GFI1B: variants seen among roughly 807,000 people sequenced by gnomAD.
GFI1B encodes the protein zinc finger protein Gfi-1b.
A neutral mutation model predicts 35.3 loss-of-function variants in GFI1B; 20 were observed. The ratio of observed to expected loss-of-function variants is 0.57; its 90% confidence interval spans 0.40 to 0.82. The LOEUF (loss-of-function observed/expected upper bound fraction) is 0.82. Ranked by LOEUF, GFI1B falls within the 40% of genes least tolerant of loss-of-function variation. The probability of loss-of-function intolerance (pLI) is 0.00; values close to 1 mark genes in which losing one functional copy is unlikely to be tolerated. For missense variants in GFI1B, 430 were observed against 446.3 expected (o/e 0.96, Z 0.33); for synonymous variants, 178 against 177.6 (o/e 1.00, Z -0.02).
intron 1 of GFI1B, chr9:132,949,764 A>G (rs1440170971): frequency 1.3e-5 from 2 of 152,532 alleles, no homozygotes; most frequent in African/African-American, 4.8e-5. Context: ...GAGAGGAAGG[A>G]GAGCTGCAGG....
chr9:132,965,020 T>TCAA (rs1848428747), intron 1 of GFI1B, among the ~76,000 whole-genome samples: 1 of 152,202 alleles, frequency 6.6e-6, no homozygotes, highest in African/African-American at 2.4e-5. Flanking sequence ...ATATCAATAA[T>TCAA]TTACTATGGC....
rs868230371 is a variant in GFI1B, at chr9:132,955,789, G to A, written c.-701+10120G>A. 2.8e-4 allele frequency among the ~76,000 whole-genome samples: 41 copies of A among 146,288 alleles called. 2 individuals carry two copies. Among genetic ancestry groups the A allele is most frequent in the Middle Eastern group, 6.8e-3 (2 of 294 alleles). ...TTCTCCAGAGAAGCAGAACCAACGT[G>A]ATGTGTGTGTGTGTGTGCATGTGTG... On this transcript the variant is annotated intron_variant, in intron 1 of 10. Transcript: ENST00000339463.
At chr9:132,992,517 C>G (rs1224081019), downstream of GFI1B, among the ~76,000 whole-genome samples, 2 of 152,050 alleles carry the variant, frequency 1.3e-5, no homozygotes, top group Non-Finnish European at 2.9e-5. Flanking sequence ...CACAGCAGTC[C>G]CTTCCACCGA....
chr9:132,988,815 A>G (rs1028301487), intron 4 of GFI1B, among the ~76,000 whole-genome samples: 2 of 152,096 alleles, frequency 1.3e-5, no homozygotes, highest in Non-Finnish European at 2.9e-5. Context: ...CCTCTAGATG[A>G]GGCAAGGAGG....
At chr9:132,962,916 C>CAA (rs60268965) in intron 1 of GFI1B, among the ~76,000 whole-genome samples, 11,789 of 124,192 alleles carry the variant, frequency 0.095, 662 homozygotes, top group Middle Eastern at 0.12. Context: ...ACTAAAAATA[C>CAA]AAAAAAAAAA....
upstream of GFI1B, among the ~76,000 whole-genome samples, chr9:132,978,092 G>GA (rs1227884297): frequency 2.8e-5 from 4 of 141,212 alleles, no homozygotes; most frequent in Non-Finnish European, 4.7e-5. Context: ...TCAGGGTGCT[G>GA]AACTTGGGGA....
intron 1 of GFI1B, among the ~76,000 whole-genome samples, chr9:132,950,203 G>A (rs1036750856): frequency 2.0e-5 from 3 of 152,186 alleles, no homozygotes; most frequent in South Asian, 2.1e-4. Flanking sequence ...CACCACCATC[G>A]AGGCTGGAGA....
intron 6 of GFI1B, among the ~76,000 whole-genome samples, chr9:132,990,310 C>CTCATTCATTTGTTCAGTCAT: frequency 1.3e-5 from 2 of 149,690 alleles, no homozygotes; most frequent in Admixed American, 6.7e-5. Context: ...CATTCATTTG[C>CTCATTCATTTGTTCAGTCAT]TCATTCATTT....
chr9:132,992,143 T>C (rs1849315216), downstream of GFI1B, among the ~76,000 whole-genome samples: 2 of 152,146 alleles, frequency 1.3e-5, no homozygotes, highest in Non-Finnish European at 2.9e-5. Flanking sequence ...GTGCCTCTGA[T>C]CTTGGCCCCT....
In GFI1B at chr9:132,991,149, A is replaced by T. The variant is rs913590507; in HGVS notation, c.*99A>T. The T allele has an allele frequency of 5.4e-6, 6 of 1,101,254 alleles. No homozygotes were observed. The highest frequency in any genetic ancestry group is 8.1e-6 in the Non-Finnish European group (6 of 740,022). The allele number at this position is 1,101,254 out of a possible 1,614,324, so 68.2% of individuals were successfully genotyped here. On this transcript the variant is annotated 3_prime_UTR_variant, in exon 7 of 7. Transcript: ENST00000372122. ...AAATCTCCAGTCTCCTGGAGGTGGG[A>T]CTGGACAGGAGTCTACCAGCTTGTT...
chr9:132,991,540 T>G lies in GFI1B; in HGVS notation c.*490T>G, dbSNP rs1453837470. 1 of 169,038 alleles carries G rather than the reference T, an allele frequency of 5.9e-6. No homozygotes were observed. Among genetic ancestry groups the G allele is most frequent in the Non-Finnish European group, 1.3e-5 (1 of 77,410 alleles). 10.5% of individuals were successfully genotyped at this position (169,038 alleles called of 1,614,324 possible). ...GCACCCCCTCTGCTTCGGCCAGATG[T>G]GCTGGCTGACTCCGACTTCCGACCA... On this transcript the variant is annotated 3_prime_UTR_variant, in exon 7 of 7. Transcript: ENST00000372122.
intron 1 of GFI1B, among the ~76,000 whole-genome samples, chr9:132,982,403 A>T (rs1848858476): frequency 6.6e-6 from 1 of 152,174 alleles, no homozygotes; most frequent in Non-Finnish European, 1.5e-5. Context: ...ACCCAAGTCC[A>T]ACTGGAAGTT....
chr9:132,969,648 G>A (rs2905072), intron 1 of GFI1B, among the ~76,000 whole-genome samples: 123,135 of 152,164 alleles, frequency 0.81, 49,959 homozygotes, highest in African/African-American at 0.84. Context: ...GTCTATACCC[G>A]TGCGTGGGAT....
intron 1 of GFI1B, among the ~76,000 whole-genome samples, chr9:132,982,424 C>G (rs1253462982): frequency 2.6e-5 from 4 of 152,206 alleles, no homozygotes; most frequent in African/African-American, 9.7e-5. Flanking sequence ...AGGGTGCTGG[C>G]TCCTGCCAGG....
intron 1 of GFI1B, among the ~76,000 whole-genome samples, chr9:132,965,085 G>A (rs530841653): frequency 6.6e-6 from 1 of 152,194 alleles, no homozygotes; most frequent in Non-Finnish European, 1.5e-5. Flanking sequence ...TTCTTCTAGA[G>A]AGTCTTTCTC....
At chr9:132,986,401 ATCT>A (rs1402729165) in intron 1 of GFI1B, among the ~76,000 whole-genome samples, 2 of 151,900 alleles carry the variant, frequency 1.3e-5, no homozygotes, top group Non-Finnish European at 2.9e-5. Flanking sequence ...CCAAATTTCC[ATCT>A]TCTTATAAGG....
At chr9:132,970,624 C>T (rs534236565) in intron 1 of GFI1B, among the ~76,000 whole-genome samples, 93 of 152,210 alleles carry the variant, frequency 6.1e-4, no homozygotes, top group African/African-American at 2.1e-3. Context: ...TTGACCATAG[C>T]GCCAGCCCTG....
At chr9:132,979,246 C>CTTTTTTTTT (rs34125755) in intron 1 of GFI1B, among the ~76,000 whole-genome samples, 2 of 95,632 alleles carry the variant, frequency 2.1e-5, no homozygotes, top group Admixed American at 1.1e-4. Context: ...TCCTGGGACA[C>CTTTTTTTTT]TTTTTTTTTT....
chr9:132,981,590 A>T (rs1212280924), intron 1 of GFI1B, among the ~76,000 whole-genome samples: 4 of 151,982 alleles, frequency 2.6e-5, no homozygotes, highest in African/African-American at 9.7e-5. Flanking sequence ...GTGGGCCAAG[A>T]TCAAACCACT....
Sources: gnomAD v4.1 joint callset for allele counts (sites outside exome capture counted in the v4.1 genomes callset) on GRCh38, gnomAD v4.1.1 for gene constraint, MANE v1.5 for transcripts, NCBI Gene and HGNC (gene_info 2026-07-23, HGNC 2026-07-21) for gene names.